Variants in RNF207 observed in about 807,000 individuals in gnomAD.
RNF207 encodes the protein ring finger protein 207.
Under a neutral mutation model 79.0 loss-of-function variants are expected in RNF207, and 72 were observed. The observed-to-expected ratio is 0.91, with a 90% CI of 0.75 to 1.11. The LOEUF is 1.11. Ranked by LOEUF, RNF207 falls within the 50% of genes least tolerant of loss-of-function variation. The probability of loss-of-function intolerance (pLI) is 0.00; values close to 1 mark genes in which losing one functional copy is unlikely to be tolerated. For synonymous variants in RNF207, 348 were observed against 366.2 expected (o/e 0.95, Z 0.57); for missense variants, 936 against 855.8 (o/e 1.09, Z -1.17).
At position 6,220,807 on chromosome 1, in the gene RNF207, G is replaced by A. The variant is rs1389460035; in HGVS notation, c.*1400G>A. On this transcript the variant is annotated 3_prime_UTR_variant, in exon 18 of 18. Transcript: ENST00000377939. ...AAATGCTTTTTAAAAAGTAACCCAC[G>A]TGACGTAAAATTTTACAAGTTTTTG... 1 of 152,114 alleles carries A rather than the reference G, an allele frequency of 6.6e-6. No individual in the cohort carries two copies. The highest frequency in any genetic ancestry group is 2.4e-5 in the African/African-American group (1 of 41,418). 9.4% of individuals were successfully genotyped at this position (152,114 alleles called of 1,614,324 possible).
In RNF207 at chr1:6,209,100, C is replaced by T. The variant is rs762396905; in HGVS notation, c.470-15C>T. On this transcript the variant is annotated splice_polypyrimidine_tract_variant and intron_variant, in intron 4 of 17. Transcript: ENST00000377939. ...CACTGACCGGAGCCCTCACCACCGC[C>T]CGCCGCCCCCGCAGCGCTGCACGCA... 3 of 1,550,166 alleles carry T rather than the reference C, an allele frequency of 1.9e-6. No individual in the cohort carries two copies. Among genetic ancestry groups the T allele is most frequent in the East Asian group, 2.4e-5 (1 of 40,980 alleles).
chr1:6,206,846 C>A, intron 2 of RNF207, 120 bp downstream of exon 2: 1 of 736,606 alleles, frequency 1.4e-6, no homozygotes, highest in Non-Finnish European at 2.2e-6. Context: ...GGCAGAACGA[C>A]TGGGAGATAC....
Position 6,217,097 on chromosome 1 carries a change from T to C in RNF207, c.1653-1192T>C, listed in dbSNP as rs552494698. ...GTTGCCAAAGATGGTCTCCAACTCC[T>C]GGGCTAAGTGATCCTCCCACCTCAG... On this transcript the variant is annotated intron_variant, in intron 16 of 17. Coordinates refer to ENST00000377939, the MANE Select transcript of RNF207 (RefSeq NM_207396.3). The surrounding 1 kb of genome is among the most constrained non-coding windows in gnomAD (Gnocchi z 4.2). Among the ~76,000 whole-genome samples, 1 of 152,036 alleles carries C rather than the reference T, an allele frequency of 6.6e-6. No individual in the cohort carries two copies. The highest frequency in any genetic ancestry group is 2.4e-5 in the African/African-American group (1 of 41,386).
In RNF207 at chr1:6,209,547, G is replaced by A. The variant is rs554005385; in HGVS notation, c.753+8G>A. On this transcript the variant is annotated splice_region_variant and intron_variant, in intron 7 of 17. Coordinates refer to ENST00000377939, the MANE Select transcript of RNF207 (RefSeq NM_207396.3). ...CTCTTCGGCAGCATGCAGGTGAGGG[G>A]TGGGGGTTGGGGGATAAACGACCCA... 22 of 1,453,274 alleles carry A rather than the reference G, an allele frequency of 1.5e-5. No homozygotes were observed. The East Asian group carries it at 5.3e-4, about 35-fold the overall frequency. 90.0% of individuals were successfully genotyped at this position (1,453,274 alleles called of 1,614,324 possible).
chr1:6,213,158 A>T lies in RNF207; in HGVS notation c.1627A>T (p.Lys543Ter). ...CACGCCCTACGTCCGCTCCATTGCCAAGGTGAAGGAGCGGCTGGAGCCCAG... is the reference window on the plus strand; with the variant it reads ...CACGCCCTACGTCCGCTCCATTGCCTAGGTGAAGGAGCGGCTGGAGCCCAG... Reference protein sequence around the residue: ...QITPYVRSIAKVKERLEPRFQ... With the variant: ...QITPYVRSIA Residue 543 changes from lysine (K) to a stop codon, truncating the protein, a stop_gained, in exon 16 of 18, where the codon AAG (lysine) becomes TAG (stop). Transcript: ENST00000377939. LOFTEE classifies it high-confidence loss of function. The T allele has an allele frequency of 1.2e-6, 2 of 1,612,268 alleles. No individual in the cohort carries two copies. Among genetic ancestry groups the T allele is most frequent in the Middle Eastern group, 1.7e-4 (1 of 6,056 alleles).
At chr1:6,213,416 G>A (rs1202971227) in intron 16 of RNF207, among the ~76,000 whole-genome samples, 2 of 151,618 alleles carry the variant, frequency 1.3e-5, no homozygotes, top group African/African-American at 2.4e-5. Context: ...AGCTACTGGG[G>A]AGGCTGAGGC....
Position 6,207,287 on chromosome 1 carries a change from C to G in RNF207, c.192-92C>G. The G allele has an allele frequency of 7.4e-7, 1 of 1,350,248 alleles. No homozygotes were observed. The highest frequency in any genetic ancestry group is 1.0e-6 in the Non-Finnish European group (1 of 999,012). 83.6% of individuals were successfully genotyped at this position (1,350,248 alleles called of 1,614,324 possible). A position where few individuals can be genotyped will look rare whatever the true frequency, so the allele number is the denominator to read the frequency against. On this transcript the variant is annotated intron_variant, in intron 2 of 17. Coordinates refer to ENST00000377939, the MANE Select transcript of RNF207 (RefSeq NM_207396.3). This position sits in a 1 kb window ranked among gnomAD's most constrained non-coding sequence, Gnocchi z 4.5. ...TGGTGCACCCCACCTCCCAACACAG[C>G]TATTTTTAGCTCCAGCCTGGAATGT...
At position 6,213,161 on chromosome 1, in the gene RNF207, G is replaced by A. The variant is rs376205518; in HGVS notation, c.1630G>A (p.Val544Met). The A allele has an allele frequency of 1.1e-5, 18 of 1,612,506 alleles. No homozygotes were observed. The highest frequency in any genetic ancestry group is 1.5e-5 in the Non-Finnish European group (18 of 1,179,226). ...GCCCTACGTCCGCTCCATTGCCAAG[G>A]TGAAGGAGCGGCTGGAGCCCAGGTG... ...ITPYVRSIAKVKERLEPRFQA... is the reference protein window; with the variant it reads ...ITPYVRSIAKMKERLEPRFQA... The change falls in exon 16 of 18, where the codon GTG becomes ATG. Residue 544 changes from valine to methionine, a missense_variant. Transcript: ENST00000377939.
chr1:6,213,988 T>G (rs1298976504), intron 16 of RNF207, among the ~76,000 whole-genome samples: 18 of 152,118 alleles, frequency 1.2e-4, no homozygotes, highest in Non-Finnish European at 2.9e-5. Context: ...CCTGTCAGGT[T>G]TTAGGGGGGC....
rs1434243637 is a variant in RNF207 at position 6,211,937 on chromosome 1, G to T, written c.1180G>T (p.Gly394Trp). The change falls in exon 13 of 18, where the codon GGG becomes TGG. Residue 394 changes from glycine (G) to tryptophan (W), a missense_variant. By Grantham distance (184) the Gly-to-Trp change is radical (BLOSUM62 -2). Coordinates refer to ENST00000377939, the MANE Select transcript of RNF207 (RefSeq NM_207396.3). The surrounding 1 kb of genome is among the most constrained non-coding windows in gnomAD (Gnocchi z 4.2). ...HCPSPVGKMS[G>W]SPVQKPTLHR... ...CCCCTCCCCAGTAGGAAAGATGTCGGGGTCACCCGTCCAAAAGCCCACGCT... is the reference window on the plus strand; with the variant it reads ...CCCCTCCCCAGTAGGAAAGATGTCGTGGTCACCCGTCCAAAAGCCCACGCT... The T allele has an allele frequency of 6.4e-7, 1 of 1,555,160 alleles. No individual in the cohort carries two copies. Among genetic ancestry groups the T allele is most frequent in the South Asian group, 1.2e-5 (1 of 84,526 alleles).
rs1668397659 is a variant in RNF207, at chr1:6,217,446, C to G, written c.1653-843C>G. Among the ~76,000 whole-genome samples, 1 of 152,224 alleles carries G rather than the reference C, an allele frequency of 6.6e-6. No individual in the cohort carries two copies. The highest frequency in any genetic ancestry group is 2.1e-4 in the South Asian group (1 of 4,824). On this transcript the variant is annotated intron_variant, in intron 16 of 17. Coordinates refer to ENST00000377939, the MANE Select transcript of RNF207 (RefSeq NM_207396.3). This position sits in a 1 kb window ranked among gnomAD's most constrained non-coding sequence, Gnocchi z 4.2. ...ACCAGAGCTCCAGACTCATCTCCCACTGCCCCCTTCCTGGGCAGCCCTACC... is the reference window on the plus strand; with the variant it reads ...ACCAGAGCTCCAGACTCATCTCCCAGTGCCCCCTTCCTGGGCAGCCCTACC...
chr1:6,207,795 T>C lies in RNF207; in HGVS notation c.324+284T>C, dbSNP rs533806603. On this transcript the variant is annotated intron_variant, in intron 3 of 17. Transcript: ENST00000377939. This position sits in a 1 kb window ranked among gnomAD's most constrained non-coding sequence, Gnocchi z 4.5. ...CCAATTCAGGGTGGAGTTGTGGACC[T>C]GCACAGGAGGGGCAGTCCAGTTTGC... The C allele has an allele frequency of 4.8e-6, 3 of 623,754 alleles. No homozygotes were observed. The highest frequency in any genetic ancestry group is 3.3e-5 in the East Asian group (1 of 30,572). The allele number at this position is 623,754 out of a possible 1,614,324, so 38.6% of individuals were successfully genotyped here.
At chr1:6,212,161 C>A in intron 13 of RNF207, 70 bp from the exon 14 acceptor site, 1 of 1,546,784 alleles carries the variant, frequency 6.5e-7, no homozygotes, top group South Asian at 1.2e-5. Flanking sequence ...GGGAGCCATT[C>A]CTCCACCAAG....
In RNF207 at chr1:6,206,646, T is replaced by C; in HGVS notation, c.111T>C (p.Leu37=). ...LCHVQYERPC[L]LDCFHDFCAG... ...ACGTGCAGTACGAGCGCCCGTGTCTTCTGGACTGTTTCCACGACTTCTGTG... is the reference window on the plus strand; with the variant it reads ...ACGTGCAGTACGAGCGCCCGTGTCTCCTGGACTGTTTCCACGACTTCTGTG... The change falls in exon 2 of 18, where the codon CTT becomes CTC. Residue 37 remains leucine, a synonymous_variant. Transcript: ENST00000377939. The C allele has an allele frequency of 6.2e-7, 1 of 1,608,148 alleles. No homozygotes were observed. Among genetic ancestry groups the C allele is most frequent in the Non-Finnish European group, 8.5e-7 (1 of 1,179,844 alleles).
At chr1:6,213,234 A>G (rs1557590673) in intron 16 of RNF207, 51 bp downstream of exon 16, 3 of 1,247,360 alleles carry the variant, frequency 2.4e-6, no homozygotes, top group South Asian at 1.2e-5. Flanking sequence ...CAGAATGTGC[A>G]TGGGGGCTGG....
At chr1:6,218,491 C>T (rs993866475) in intron 17 of RNF207, 122 bp downstream of exon 17, 2 of 677,832 alleles carry the variant, frequency 3.0e-6, no homozygotes, top group African/African-American at 1.8e-5. Flanking sequence ...GGCTGGGCCT[C>T]TTTGTAAAAC....
Position 6,219,379 on chromosome 1 carries a change from T to C in RNF207, c.1877T>C (p.Val626Ala), listed in dbSNP as rs1171731502. 6.2e-7 allele frequency: 1 copy of C among 1,609,686 alleles called. No individual in the cohort carries two copies. The highest frequency in any genetic ancestry group is 1.3e-5 in the African/African-American group (1 of 74,708). Reference protein sequence around the residue: ...HRSKQKNGGDVPTWREHPT With the variant: ...HRSKQKNGGDAPTWREHPT Reference sequence around the variant, plus strand: ...TCCAAACAGAAAAATGGGGGCGATGTCCCCACATGGAGGGAACACCCGACT... The same window carrying C: ...TCCAAACAGAAAAATGGGGGCGATGCCCCCACATGGAGGGAACACCCGACT... Residue 626 changes from valine to alanine, a missense_variant, in exon 18 of 18, where the codon GTC (valine) becomes GCC (alanine). Transcript: ENST00000377939.
Position 6,213,145 on chromosome 1 carries a change from C to T in RNF207, c.1614C>T (p.Val538=), listed in dbSNP as rs755341845. The part of the protein sequence containing the change: ...TTITKQITPY[V]RSIAKVKERL... ...TCACCAAGCAGATCACGCCCTACGT[C>T]CGCTCCATTGCCAAGGTGAAGGAGC... Residue 538 remains valine, a synonymous_variant, in exon 16 of 18, where the codon GTC becomes GTT. Coordinates refer to ENST00000377939, the MANE Select transcript of RNF207 (RefSeq NM_207396.3). 3 of 1,613,164 alleles carry T rather than the reference C, an allele frequency of 1.9e-6. No homozygotes were observed. Among genetic ancestry groups the T allele is most frequent in the Admixed American group, 1.7e-5 (1 of 59,974 alleles).
At chr1:6,210,717 G>A in intron 10 of RNF207, 153 bp from the exon 11 acceptor site, 1 of 727,562 alleles carries the variant, frequency 1.4e-6, no homozygotes, top group Non-Finnish European at 2.3e-6. Context: ...GATGGGATGG[G>A]GGTTTGTCCG....
Sources: gnomAD v4.1 joint callset for allele counts (sites outside exome capture counted in the v4.1 genomes callset) on GRCh38, gnomAD v4.1.1 for gene constraint, Gnocchi (gnomAD v3.1) non-coding constraint, MANE v1.5 for transcripts, NCBI Gene and HGNC (gene_info 2026-07-23, HGNC 2026-07-21) for gene names.